Variants in DNAJC3 observed in about 807,000 individuals in gnomAD.
DNAJC3 encodes the protein DnaJ heat shock protein family (Hsp40) member C3.
A neutral mutation model predicts 68.6 loss-of-function variants in DNAJC3; 38 were observed. The ratio of observed to expected loss-of-function variants is 0.55; its 90% CI spans 0.43 to 0.73. The LOEUF (loss-of-function observed/expected upper bound fraction) is 0.73. Ranked by LOEUF, DNAJC3 falls within the 30% of genes least tolerant of loss-of-function variation. The pLI, the probability that DNAJC3 is intolerant of heterozygous loss-of-function variation, is 0.00. For missense variants in DNAJC3, 526 were observed against 591.9 expected (o/e 0.89, Z 1.16); for synonymous variants, 203 against 204.0 (o/e 1.00, Z 0.04).
intron 9 of DNAJC3, among the ~76,000 whole-genome samples, chr13:95,779,124 T>TTC (rs1339757334): frequency 1.3e-4 from 16 of 126,620 alleles, no homozygotes; most frequent in African/African-American, 5.4e-4. Context: ...TCTTTCTTTT[T>TTC]TTTTTTTTTT....
chr13:95,700,843 T>C (rs1222207638), intron 1 of DNAJC3, among the ~76,000 whole-genome samples: 1 of 152,208 alleles, frequency 6.6e-6, no homozygotes, highest in Non-Finnish European at 1.5e-5. Context: ...GCCTGGATTA[T>C]CATGTAGATA....
At chr13:95,683,576 AT>A in intron 1 of DNAJC3, among the ~76,000 whole-genome samples, 1 of 152,288 alleles carries the variant, frequency 6.6e-6, no homozygotes, top group East Asian at 1.9e-4. Context: ...CTCCCCAGCC[AT>A]GCTTCATGTA....
At chr13:95,780,373 TC>T (rs1179983188) in intron 9 of DNAJC3, among the ~76,000 whole-genome samples, 1 of 152,206 alleles carries the variant, frequency 6.6e-6, no homozygotes, top group African/African-American at 2.4e-5. Context: ...CTCTGCTTTA[TC>T]TCCACTATGT....
chr13:95,766,426 GA>G (rs1882994972), intron 9 of DNAJC3, among the ~76,000 whole-genome samples: 1 of 152,262 alleles, frequency 6.6e-6, no homozygotes, highest in South Asian at 2.1e-4. Flanking sequence ...AACTGACATT[GA>G]AGCAGTACTA....
intron 2 of DNAJC3, among the ~76,000 whole-genome samples, chr13:95,722,923 G>A (rs1881381876): frequency 6.7e-6 from 1 of 148,392 alleles, no homozygotes; most frequent in Admixed American, 7.0e-5. Context: ...TAGACAAGTA[G>A]TTTCGGCTTT....
intron 11 of DNAJC3, among the ~76,000 whole-genome samples, chr13:95,789,878 CA>C (rs1311561634): frequency 6.6e-6 from 1 of 152,092 alleles, no homozygotes; most frequent in African/African-American, 2.4e-5. Flanking sequence ...CTCTAGTGAT[CA>C]GTGATGTTGA....
intron 9 of DNAJC3, among the ~76,000 whole-genome samples, chr13:95,785,514 A>G (rs1186797599): frequency 8.1e-6 from 1 of 122,822 alleles, no homozygotes; most frequent in Admixed American, 1.1e-4. Flanking sequence ...GCTGGAGTGC[A>G]GTGGTGCGAT....
chr13:95,690,780 C>T (rs1245703500), intron 1 of DNAJC3, among the ~76,000 whole-genome samples: 7 of 144,262 alleles, frequency 4.9e-5, no homozygotes, highest in Non-Finnish European at 7.6e-5. Context: ...GGTGGCTGGC[C>T]GGGCGGGGGG....
chr13:95,703,869 T>C (rs1487780956), intron 1 of DNAJC3, among the ~76,000 whole-genome samples: 1 of 152,100 alleles, frequency 6.6e-6, no homozygotes, highest in South Asian at 2.1e-4. Context: ...TCATAAACTT[T>C]CCTTCTTGAA....
intron 4 of DNAJC3, among the ~76,000 whole-genome samples, chr13:95,747,041 G>A (rs912924215): frequency 1.3e-5 from 2 of 152,054 alleles, no homozygotes; most frequent in African/African-American, 4.8e-5. Context: ...AATTTAGGCA[G>A]TTTTCCATGA....
chr13:95,759,296 C>T (rs988080261), intron 5 of DNAJC3, among the ~76,000 whole-genome samples: 1 of 152,162 alleles, frequency 6.6e-6, no homozygotes, highest in East Asian at 1.9e-4. Flanking sequence ...GTGACATTTA[C>T]AGAAGATAAT....
chr13:95,727,498 T>G (rs1881569809), intron 4 of DNAJC3, among the ~76,000 whole-genome samples: 1 of 152,218 alleles, frequency 6.6e-6, no homozygotes, highest in Admixed American at 6.5e-5. Context: ...GATTCTTCCA[T>G]GAGAATGCAT....
At chr13:95,726,149 C>T (rs1390528039) in intron 4 of DNAJC3, among the ~76,000 whole-genome samples, 4 of 151,892 alleles carry the variant, frequency 2.6e-5, no homozygotes, top group East Asian at 3.9e-4. Context: ...GTGCATGTGT[C>T]TTTATAGCAG....
At chr13:95,724,538 T>C (rs970219059) in intron 3 of DNAJC3, among the ~76,000 whole-genome samples, 2 of 152,194 alleles carry the variant, frequency 1.3e-5, no homozygotes, top group Non-Finnish European at 2.9e-5. Flanking sequence ...TTATATGCCA[T>C]CAGACTTACC....
chr13:95,719,964 G>A (rs561007853), intron 2 of DNAJC3, among the ~76,000 whole-genome samples: 1 of 151,812 alleles, frequency 6.6e-6, no homozygotes, highest in East Asian at 1.9e-4. Context: ...TACTTTTTAG[G>A]GAATAATGAA....
At chr13:95,723,139 C>T in intron 2 of DNAJC3, 103 bp from the exon 3 acceptor site, 1 of 1,045,864 alleles carries the variant, frequency 9.6e-7, no homozygotes, top group East Asian at 2.7e-5. Context: ...TAATGTCCAT[C>T]TTAGTAGAGT....
chr13:95,791,067 G>T lies in DNAJC3; in HGVS notation c.*37G>T, dbSNP rs1883756883. The T allele has an allele frequency of 6.3e-7, 1 of 1,595,558 alleles. No homozygotes were observed. Among genetic ancestry groups the T allele is most frequent in the East Asian group, 2.2e-5 (1 of 44,724 alleles). On this transcript the variant is annotated 3_prime_UTR_variant, in exon 12 of 12. Transcript: ENST00000602402. ...TTCTGCTCTTCTTAATTTTTTTAAA[G>T]ATTAAAAACAAAGAAATCTTGTTCC...
chr13:95,689,336 A>G (rs191719206), intron 1 of DNAJC3, among the ~76,000 whole-genome samples: 2 of 147,984 alleles, frequency 1.4e-5, no homozygotes, highest in East Asian at 4.0e-4. Flanking sequence ...GGGAGGTTGT[A>G]TGTTTCTGGG....
intron 7 of DNAJC3, among the ~76,000 whole-genome samples, chr13:95,761,891 T>C (rs73554940): frequency 0.015 from 2,286 of 152,206 alleles, 61 homozygotes; most frequent in African/African-American, 0.052. Context: ...AGATGCATGC[T>C]ACCACAGCTG....
Sources: gnomAD v4.1 joint callset for allele counts (sites outside exome capture counted in the v4.1 genomes callset) on GRCh38, gnomAD v4.1.1 for gene constraint, MANE v1.5 for transcripts, NCBI Gene and HGNC (gene_info 2026-07-23, HGNC 2026-07-21) for gene names.